NAA38: variants seen among roughly 807,000 people sequenced by gnomAD.
NAA38 encodes N-alpha-acetyltransferase 38, NatC auxiliary subunit.
A neutral mutation model predicts 12.6 loss-of-function variants in NAA38; 15 were observed. The observed-to-expected ratio is 1.19, with a 90% CI of 0.79 to 1.83. The LOEUF (loss-of-function observed/expected upper bound fraction) is 1.83. Among genes scored for constraint, NAA38 ranks in the 40% most tolerant of loss-of-function variants. The probability of loss-of-function intolerance (pLI) is 0.00; values close to 1 mark genes in which losing one functional copy is unlikely to be tolerated. For synonymous variants in NAA38, 88 were observed against 69.9 expected (o/e 1.26, Z -1.29); for missense variants, 183 against 171.7 (o/e 1.07, Z -0.37).
upstream of NAA38, chr17:7,857,647 A>T: frequency 1.5e-6 from 2 of 1,345,324 alleles, no homozygotes; most frequent in Non-Finnish European, 9.5e-7. Context: ...GCTGTGGCTC[A>T]CTGAAGCGTA....
chr17:7,868,811 C>T (rs917386679), intron 2 of NAA38, among the ~76,000 whole-genome samples: 7 of 152,140 alleles, frequency 4.6e-5, no homozygotes, highest in Admixed American at 2.0e-4. Context: ...AATTACAGAC[C>T]GTATCTGTGA....
rs928991976 is a variant in NAA38, at chr17:7,856,824, C to G, written c.285G>C (p.Glu95Asp). ...LKPSDSFSAG[E>D]PRVLGLAMVP... ...CCATGGCCAGGCCCAGCACACGGGGCTCCCCGGCAGAGAAGGAATCTGGAA... is the reference window on the plus strand; with the variant it reads ...CCATGGCCAGGCCCAGCACACGGGGGTCCCCGGCAGAGAAGGAATCTGGAA... Residue 95 changes from glutamate (E) to aspartate (D), a missense_variant, in exon 3 of 3, where the codon GAG (glutamate) becomes GAC (aspartate). Coordinates refer to ENST00000575771, the MANE Select transcript of NAA38 (RefSeq NM_001320925.4). The G allele has an allele frequency of 5.0e-6, 8 of 1,613,854 alleles. No individual in the cohort carries two copies. The Admixed American group carries it at 8.3e-5, about 17-fold the overall frequency.
chr17:7,866,354 C>T (rs1198710172), intron 3 of NAA38: 10 of 541,194 alleles, frequency 1.8e-5, no homozygotes, highest in South Asian at 9.7e-5. Context: ...GTGATCCGCC[C>T]GCCTCGGCCT....
chr17:7,881,046 G>A (rs1285308354), intron 2 of NAA38, among the ~76,000 whole-genome samples: 1 of 152,138 alleles, frequency 6.6e-6, no homozygotes, highest in African/African-American at 2.4e-5. Context: ...AAAGTAGGGA[G>A]GAGTACAGCA....
At chr17:7,860,696 C>T (rs2078876424), upstream of NAA38, 1 of 152,104 alleles carries the variant, frequency 6.6e-6, no homozygotes, top group Non-Finnish European at 1.5e-5. Flanking sequence ...AATTGTGGTC[C>T]TATTGTATAG....
At chr17:7,882,035 A>G (rs1262864553) in intron 2 of NAA38, among the ~76,000 whole-genome samples, 1 of 152,088 alleles carries the variant, frequency 6.6e-6, no homozygotes, top group East Asian at 1.9e-4. Flanking sequence ...AGAGAGAGAG[A>G]GAGAACAGAA....
chr17:7,862,430 C>G (rs2151387741), upstream of NAA38: 1 of 152,222 alleles, frequency 6.6e-6, no homozygotes, highest in Non-Finnish European at 1.5e-5. Context: ...TATCCAAAAC[C>G]AAAAGTTATT....
intron 3 of NAA38, chr17:7,865,472 T>C (rs933399549): frequency 2.0e-5 from 3 of 152,242 alleles, no homozygotes; most frequent in Non-Finnish European, 2.9e-5. Context: ...AGGGGTGGAC[T>C]GTGGGGAGCT....
chr17:7,871,836 G>C (rs1967091540), intron 2 of NAA38, among the ~76,000 whole-genome samples: 1 of 152,248 alleles, frequency 6.6e-6, no homozygotes, highest in South Asian at 2.1e-4. Context: ...TGTATTTTTA[G>C]TAGTGATGGG....
Position 7,857,512 on chromosome 17 carries a change from G to A in NAA38, c.-49C>T. The A allele has an allele frequency of 1.4e-6, 2 of 1,478,922 alleles. 1 individual carries two copies. Among genetic ancestry groups the A allele is most frequent in the South Asian group, 3.0e-5 (2 of 67,220 alleles). 91.6% of individuals were successfully genotyped at this position (1,478,922 alleles called of 1,614,324 possible). A position where few individuals can be genotyped will look rare whatever the true frequency, so the allele number is the denominator to read the frequency against. ...CTTTCAACTTCCTAAGCACCTTTCA[G>A]GTTGGGTGGTCCGAGATCTCGCGAG... On this transcript the variant is annotated 5_prime_UTR_variant, in exon 1 of 3. Coordinates refer to ENST00000575771, the MANE Select transcript of NAA38 (RefSeq NM_001320925.4).
chr17:7,880,779 G>A (rs572341006), intron 2 of NAA38, among the ~76,000 whole-genome samples: 6 of 152,256 alleles, frequency 3.9e-5, no homozygotes, highest in Non-Finnish European at 7.4e-5. Flanking sequence ...GTGATGAAGC[G>A]ACCAACAAAG....
chr17:7,866,742 C>T (rs6503067), intron 2 of NAA38, among the ~76,000 whole-genome samples: 134,821 of 152,120 alleles, frequency 0.89, 59,811 homozygotes, highest in East Asian at 0.98. Context: ...TTCTGAAATG[C>T]CATAATTATA....
chr17:7,877,647 T>C (rs1316576510), intron 2 of NAA38, among the ~76,000 whole-genome samples: 2 of 152,206 alleles, frequency 1.3e-5, no homozygotes, highest in Non-Finnish European at 2.9e-5. Flanking sequence ...TGTCACCCTA[T>C]GCATAAGTAT....
chr17:7,884,887 G>T, intron 1 of NAA38: 2 of 1,364,560 alleles, frequency 1.5e-6, no homozygotes, highest in Non-Finnish European at 9.8e-7. Flanking sequence ...AGGAAGAAGA[G>T]GGCGACGAGG....
chr17:7,871,090 T>C (rs1567817351), intron 2 of NAA38, among the ~76,000 whole-genome samples: 1 of 152,076 alleles, frequency 6.6e-6, no homozygotes, highest in Non-Finnish European at 1.5e-5. Flanking sequence ...TAGAAACAAA[T>C]TCATTATGGC....
chr17:7,857,228 G>A (rs372466067), intron 1 of NAA38, 30 bp from the exon 2 acceptor site: 6 of 1,611,842 alleles, frequency 3.7e-6, no homozygotes, highest in South Asian at 3.3e-5. Context: ...CGCTCAGACC[G>A]CGCAGCCCAG....
At chr17:7,879,445 A>ATT (rs148020333) in intron 2 of NAA38, among the ~76,000 whole-genome samples, 2 of 149,284 alleles carry the variant, frequency 1.3e-5, no homozygotes, top group East Asian at 3.9e-4. Context: ...TTTTGTGTGT[A>ATT]TTTTTTTTTT....
chr17:7,871,099 G>A (rs1967078466), intron 2 of NAA38, among the ~76,000 whole-genome samples: 1 of 152,066 alleles, frequency 6.6e-6, no homozygotes, highest in Non-Finnish European at 1.5e-5. Context: ...ATTCATTATG[G>A]CCTCTTAAAG....
upstream of NAA38, chr17:7,857,717 T>C (rs2078840444): frequency 1.5e-5 from 19 of 1,297,676 alleles, no homozygotes; most frequent in South Asian, 1.2e-4. Context: ...ACACATCCTT[T>C]AGAAACTGGA....
Sources: gnomAD v4.1 joint callset for allele counts (sites outside exome capture counted in the v4.1 genomes callset) on GRCh38, gnomAD v4.1.1 for gene constraint, MANE v1.5 for transcripts, NCBI Gene and HGNC (gene_info 2026-07-23, HGNC 2026-07-21) for gene names.